DAW1: variants seen among roughly 807,000 people sequenced by gnomAD.
The protein encoded by DAW1 is dynein assembly factor with WD repeat domains 1.
DAW1 carries 47 observed loss-of-function variants against 56.5 expected under a neutral mutation model. That is an observed-to-expected ratio of 0.83 (90% CI 0.66 to 1.06). The LOEUF is 1.06. DAW1 is among the 50% of genes least tolerant of loss of function. DAW1 has a pLI of 0.00. For synonymous variants in DAW1, 190 were observed against 179.0 expected (o/e 1.06, Z -0.49); for missense variants, 505 against 499.3 (o/e 1.01, Z -0.11).
chr2:227,916,275 A>G (rs1691950627), intron 10 of DAW1, among the ~76,000 whole-genome samples: 1 of 152,140 alleles, frequency 6.6e-6, no homozygotes, highest in Non-Finnish European at 1.5e-5. Flanking sequence ...AAAAATACTT[A>G]TGCATGATAT....
chr2:227,906,255 G>A lies in DAW1; in HGVS notation c.775G>A (p.Gly259Ser), dbSNP rs35027781. ...DTGRKVNILI[G>S]HCAEISSASF... Reference sequence around the variant, plus strand: ...TTGTAGGAAGGTAAATATCTTAATTGGTCATTGTGCTGAGATTAGCAGTGC... The same window carrying A: ...TTGTAGGAAGGTAAATATCTTAATTAGTCATTGTGCTGAGATTAGCAGTGC... The change falls in exon 9 of 13, where the codon GGT (glycine) becomes AGT (serine). Residue 259 changes from glycine to serine, a missense_variant. Physicochemically the swap from Gly to Ser is moderately conservative, Grantham distance 56. Transcript: ENST00000309931. 7.7e-4 allele frequency: 1,243 copies of A among 1,611,866 alleles called. 8 individuals are homozygous for A. In the African/African-American group the frequency reaches 0.015, roughly 20 times the overall value.
intron 1 of DAW1, among the ~76,000 whole-genome samples, chr2:227,882,468 G>C (rs1472463286): frequency 7.9e-5 from 12 of 152,200 alleles, no homozygotes; most frequent in Admixed American, 4.6e-4. Flanking sequence ...GAACAACCTA[G>C]TTTTGCTTGA....
intron 6 of DAW1, among the ~76,000 whole-genome samples, chr2:227,898,512 G>C (rs891179244): frequency 6.6e-6 from 1 of 151,962 alleles, no homozygotes; most frequent in Non-Finnish European, 1.5e-5. Flanking sequence ...AGTAGAGATG[G>C]GGTTTCACTG....
intron 10 of DAW1, among the ~76,000 whole-genome samples, chr2:227,915,981 A>G (rs545664208): frequency 2.6e-5 from 4 of 152,250 alleles, no homozygotes; most frequent in Admixed American, 2.6e-4. Flanking sequence ...ATGATTATAC[A>G]TTATTTCTGC....
Position 227,884,196 on chromosome 2 carries a change from C to T in DAW1, c.41-1155C>T, listed in dbSNP as rs1393095620. 5.3e-5 allele frequency among the ~76,000 whole-genome samples: 8 copies of T among 152,154 alleles called. No individual in the cohort carries two copies. The East Asian group carries it at 1.5e-3, about 29-fold the overall frequency. On this transcript the variant is annotated intron_variant, in intron 1 of 12. Transcript: ENST00000309931. ...TCATATTTTTCAATTCTATAATCCT[C>T]ATTTGGTTTAATAAATATTTTCTGG...
intron 5 of DAW1, among the ~76,000 whole-genome samples, chr2:227,896,936 T>A (rs978892098): frequency 6.6e-6 from 1 of 151,222 alleles, no homozygotes; most frequent in South Asian, 2.1e-4. Flanking sequence ...TAAAAAAAAA[T>A]TTAGCCAAGC....
chr2:227,889,784 T>C (rs1691216316), intron 2 of DAW1, 72 bp from the exon 3 acceptor site: 1 of 1,277,376 alleles, frequency 7.8e-7, no homozygotes, highest in South Asian at 1.8e-5. Flanking sequence ...ATACAATCAA[T>C]TCTTCATGTA....
chr2:227,919,839 C>G (rs1021230109), intron 11 of DAW1, among the ~76,000 whole-genome samples: 2 of 152,184 alleles, frequency 1.3e-5, no homozygotes, highest in African/African-American at 4.8e-5. Context: ...TGCAAAATAT[C>G]AGCTTGATGA....
At chr2:227,886,891 G>A (rs1476530604) in intron 2 of DAW1, among the ~76,000 whole-genome samples, 1 of 152,230 alleles carries the variant, frequency 6.6e-6, no homozygotes, top group Non-Finnish European at 1.5e-5. Flanking sequence ...TAATCTCAAT[G>A]GGTGAAAATC....
rs906220741 is a variant in DAW1, at chr2:227,879,118, C to T, written c.41-6233C>T. Among the ~76,000 whole-genome samples the T allele has an allele frequency of 2.6e-5, 4 of 152,118 alleles. No homozygotes were observed. The East Asian group carries it at 5.8e-4, about 22-fold the overall frequency. ...CTTTTATAAAATATTTATGTATAGT[C>T]GAATAATGAAAAATACATCAAGGAA... On this transcript the variant is annotated intron_variant, in intron 1 of 12. Transcript: ENST00000309931.
chr2:227,894,488 G>A (rs530637590), intron 5 of DAW1, among the ~76,000 whole-genome samples: 1 of 152,126 alleles, frequency 6.6e-6, no homozygotes. Context: ...GCTGGAGTTC[G>A]TGCTCAGGCA....
At chr2:227,916,236 A>G (rs1433939852) in intron 10 of DAW1, among the ~76,000 whole-genome samples, 1 of 152,176 alleles carries the variant, frequency 6.6e-6, no homozygotes, top group Non-Finnish European at 1.5e-5. Context: ...ACAGCAGTAC[A>G]TTAATTTATA....
At chr2:227,904,675 G>A (rs1395846379) in intron 7 of DAW1, among the ~76,000 whole-genome samples, 1 of 152,110 alleles carries the variant, frequency 6.6e-6, no homozygotes, top group Non-Finnish European at 1.5e-5. Flanking sequence ...CTAGCTGTGT[G>A]TAAGTCACTA....
intron 10 of DAW1, 69 bp downstream of exon 10, chr2:227,907,321 C>G (rs2106207219): frequency 7.9e-7 from 1 of 1,265,912 alleles, no homozygotes; most frequent in South Asian, 1.3e-5. Context: ...ATGCATAATT[C>G]TACACTATGG....
At chr2:227,923,870 A>G in intron 12 of DAW1, 64 bp from the exon 13 acceptor site, 2 of 1,589,918 alleles carry the variant, frequency 1.3e-6, no homozygotes, top group South Asian at 2.3e-5. Context: ...GTCAACTTGT[A>G]GAAAGAGAGA....
rs73996714 is a variant in DAW1 at position 227,887,157 on chromosome 2, C to T, written c.113+1734C>T. Among the ~76,000 whole-genome samples, 1,050 of 152,188 alleles carry T rather than the reference C, an allele frequency of 6.9e-3. 11 individuals are homozygous for T. Among genetic ancestry groups the T allele is most frequent in the African/African-American group, 0.023 (973 of 41,528 alleles). ...TCTATGTAGGGTCCAAGTCTTATTT[C>T]GGGTGCTTGGCACAAAGAAGGTAGT... On this transcript the variant is annotated intron_variant, in intron 2 of 12. Coordinates refer to ENST00000309931, the MANE Select transcript of DAW1 (RefSeq NM_178821.3).
intron 12 of DAW1, 29 bp downstream of exon 12, chr2:227,921,590 AT>A: frequency 6.3e-7 from 1 of 1,581,294 alleles, no homozygotes; most frequent in South Asian, 1.2e-5. Flanking sequence ...CCATAGACTC[AT>A]TTTTTCTTGA....
At chr2:227,890,749 AG>A (rs1691242478) in intron 3 of DAW1, among the ~76,000 whole-genome samples, 1 of 152,240 alleles carries the variant, frequency 6.6e-6, no homozygotes, top group Non-Finnish European at 1.5e-5. Context: ...TATTCTCCAA[AG>A]GGAACATTTT....
chr2:227,912,417 A>G (rs772027367), intron 10 of DAW1: 3 of 1,304,750 alleles, frequency 2.3e-6, no homozygotes, highest in Non-Finnish European at 3.0e-6. Flanking sequence ...CATCTCTTTG[A>G]TCACTGGACG....
Sources: gnomAD v4.1 joint callset for allele counts (sites outside exome capture counted in the v4.1 genomes callset) on GRCh38, gnomAD v4.1.1 for gene constraint, MANE v1.5 for transcripts, NCBI Gene and HGNC (gene_info 2026-07-23, HGNC 2026-07-21) for gene names.